ATP11B: variants seen among roughly 807,000 people sequenced by gnomAD.
ATP11B encodes the protein ATPase phospholipid transporting 11B (putative).
Under a neutral mutation model 157.8 loss-of-function variants are expected in ATP11B, and 81 were observed. The observed-to-expected ratio is 0.51, with a 90% CI of 0.43 to 0.62. The LOEUF is 0.62. Among genes scored for constraint, ATP11B ranks in the 20% least tolerant of loss-of-function variants. ATP11B has a pLI of 0.00. For synonymous variants in ATP11B, 451 were observed against 469.4 expected, an observed-to-expected ratio of 0.96 and a Z score of 0.51; for missense variants, 1,165 against 1,402.2, an observed-to-expected ratio of 0.83 and a Z score of 2.70.
Position 182,880,886 on chromosome 3 carries a change from G to A in ATP11B, c.2414G>A (p.Arg805Lys), listed in dbSNP as rs1229672993. Residue 805 changes from arginine to lysine, a missense_variant, in exon 21 of 30, where the codon AGA becomes AAA. Coordinates refer to ENST00000323116, the MANE Select transcript of ATP11B (RefSeq NM_014616.3). ...ATTCATTATGTCTTTCAGGTAATAA[G>A]ACTAATAAAAATATCACCTGAGAAA... Reference protein sequence around the residue: ...MAPLQKAKVIRLIKISPEKPI... With the variant: ...MAPLQKAKVIKLIKISPEKPI... 3 of 1,580,208 alleles carry A rather than the reference G, an allele frequency of 1.9e-6. No individual in the cohort carries two copies. The highest frequency in any genetic ancestry group is 1.4e-5 in the African/African-American group (1 of 72,992).
chr3:182,865,362 G>T (rs1431901389), intron 12 of ATP11B, 94 bp from the exon 13 acceptor site: 1 of 1,217,330 alleles, frequency 8.2e-7, no homozygotes, highest in African/African-American at 1.5e-5. Flanking sequence ...TAGATAAACT[G>T]GACTTCAGGA....
intron 19 of ATP11B, among the ~76,000 whole-genome samples, chr3:182,877,553 G>A (rs1257584434): frequency 2.0e-5 from 3 of 152,094 alleles, no homozygotes; most frequent in Non-Finnish European, 4.4e-5. Context: ...GAGGTGGGAG[G>A]ATGTATTGAA....
chr3:182,853,559 T>C (rs1720145109), intron 10 of ATP11B, among the ~76,000 whole-genome samples: 1 of 152,240 alleles, frequency 6.6e-6, no homozygotes, highest in African/African-American at 2.4e-5. Context: ...TAAAAGGTTA[T>C]ATTTACAGTA....
chr3:182,915,731 C>T, intron 29 of ATP11B: 2 of 985,112 alleles, frequency 2.0e-6, no homozygotes, highest in East Asian at 1.1e-4. Flanking sequence ...CTTTACATAG[C>T]CATTTTGATG....
chr3:182,897,607 A>G (rs1166401865), intron 27 of ATP11B, among the ~76,000 whole-genome samples: 1 of 152,016 alleles, frequency 6.6e-6, no homozygotes, highest in Non-Finnish European at 1.5e-5. Flanking sequence ...TTTTTTTTAT[A>G]TAAGATATTG....
chr3:182,805,761 G>A (rs1020464597), intron 1 of ATP11B, among the ~76,000 whole-genome samples: 1 of 151,680 alleles, frequency 6.6e-6, no homozygotes, highest in Non-Finnish European at 1.5e-5. Context: ...GCACTGGGCC[G>A]CTTGTTTTTA....
At chr3:182,857,830 T>C in intron 10 of ATP11B, 48 bp from the exon 11 acceptor site, 1 of 1,194,994 alleles carries the variant, frequency 8.4e-7, no homozygotes, top group Non-Finnish European at 1.2e-6. Flanking sequence ...CAAATGAATA[T>C]AGTAATACAT....
At chr3:182,885,251 G>A (rs948778506) in intron 22 of ATP11B, among the ~76,000 whole-genome samples, 1 of 152,074 alleles carries the variant, frequency 6.6e-6, no homozygotes, top group Non-Finnish European at 1.5e-5. Flanking sequence ...TCAATATGGA[G>A]CTTTTATATG....
chr3:182,825,114 A>G (rs950599387), intron 2 of ATP11B, among the ~76,000 whole-genome samples: 1 of 152,088 alleles, frequency 6.6e-6, no homozygotes, highest in Non-Finnish European at 1.5e-5. Flanking sequence ...CTATCTCACA[A>G]AGCCATGATG....
At chr3:182,904,072 G>A (rs1344304385) in intron 28 of ATP11B, among the ~76,000 whole-genome samples, 2 of 152,162 alleles carry the variant, frequency 1.3e-5, no homozygotes, top group African/African-American at 4.8e-5. Context: ...TTGGTGAGAT[G>A]TTCTTTCTGC....
intron 28 of ATP11B, among the ~76,000 whole-genome samples, chr3:182,904,918 A>C (rs1724235636): frequency 6.6e-6 from 1 of 150,436 alleles, no homozygotes; most frequent in African/African-American, 2.5e-5. Flanking sequence ...AAAAAGGATT[A>C]ATTCAAAACT....
chr3:182,868,563 C>T (rs1211398530), intron 15 of ATP11B, among the ~76,000 whole-genome samples: 1 of 151,958 alleles, frequency 6.6e-6, no homozygotes, highest in East Asian at 1.9e-4. Context: ...AGGGAATGGA[C>T]CCCCGCACAC....
chr3:182,802,217 C>T (rs1716059057), intron 1 of ATP11B, among the ~76,000 whole-genome samples: 1 of 152,180 alleles, frequency 6.6e-6, no homozygotes, highest in African/African-American at 2.4e-5. Flanking sequence ...CTCAACTAAA[C>T]TACTGCTACC....
chr3:182,852,856 T>G (rs770263446), intron 10 of ATP11B, among the ~76,000 whole-genome samples: 3 of 152,176 alleles, frequency 2.0e-5, no homozygotes, highest in Non-Finnish European at 4.4e-5. Context: ...TTCATCGAAA[T>G]GTAAGACTTA....
intron 28 of ATP11B, among the ~76,000 whole-genome samples, chr3:182,901,364 A>C (rs950984142): frequency 1.5e-4 from 23 of 151,208 alleles, no homozygotes; most frequent in Non-Finnish European, 3.2e-4. Flanking sequence ...CAAAAAAAAA[A>C]CCTTAATTCT....
intron 1 of ATP11B, among the ~76,000 whole-genome samples, chr3:182,794,177 T>A (rs1002461383): frequency 1.3e-5 from 2 of 152,098 alleles, no homozygotes; most frequent in African/African-American, 2.4e-5. Flanking sequence ...GAGAGAGGCG[T>A]GCTCTTCCTG....
At position 182,915,163 on chromosome 3, in the gene ATP11B, T is replaced by C. The variant is rs993900524; in HGVS notation, c.3452+1169T>C. The stretch of plus-strand genomic sequence containing the variant: ...GTTATAAAATTCAGGTAACTTTTAC[T>C]GGTGAACTTGTTAGTTCTCACTTTA... On this transcript the variant is annotated intron_variant, in intron 29 of 29. Coordinates refer to ENST00000323116, the MANE Select transcript of ATP11B (RefSeq NM_014616.3). 3 of 985,340 alleles carry C rather than the reference T, an allele frequency of 3.0e-6. No individual in the cohort carries two copies. In the African/African-American group the frequency reaches 5.2e-5, roughly 17 times the overall value. The allele number at this position is 985,340 out of a possible 1,614,324, so 61.0% of individuals were successfully genotyped here. A position where few individuals can be genotyped will look rare whatever the true frequency, so the allele number is the denominator to read the frequency against.
chr3:182,872,609 T>C, intron 18 of ATP11B, 72 bp downstream of exon 18: 2 of 1,256,416 alleles, frequency 1.6e-6, no homozygotes, highest in Non-Finnish European at 2.2e-6. Context: ...TTCTAATATG[T>C]GACATAAATT....
At chr3:182,837,248 A>G in intron 7 of ATP11B, 74 bp downstream of exon 7, 3 of 1,110,810 alleles carry the variant, frequency 2.7e-6, no homozygotes, top group Non-Finnish European at 3.8e-6. Flanking sequence ...CATAAACATA[A>G]AATGAAATCT....
Sources: gnomAD v4.1 joint callset for allele counts (sites outside exome capture counted in the v4.1 genomes callset) on GRCh38, gnomAD v4.1.1 for gene constraint, MANE v1.5 for transcripts, NCBI Gene and HGNC (gene_info 2026-07-23, HGNC 2026-07-21) for gene names.